Variants in TRPC4 observed in about 807,000 individuals in gnomAD.
TRPC4 encodes transient receptor potential cation channel subfamily C member 4.
TRPC4 carries 49 observed loss-of-function variants against 99.4 expected under a neutral mutation model. That is an observed-to-expected ratio of 0.49 (90% CI 0.39 to 0.63). TRPC4 has a LOEUF of 0.63. Among genes scored for constraint, TRPC4 ranks in the 20% least tolerant of loss-of-function variants. TRPC4 has a pLI of 0.00. For synonymous variants in TRPC4, 454 were observed against 425.9 expected (o/e 1.07, Z -0.81); for missense variants, 898 against 1,152.9 (o/e 0.78, Z 3.20).
intron 2 of TRPC4, among the ~76,000 whole-genome samples, chr13:37,778,809 T>C (rs1026462266): frequency 2.6e-5 from 4 of 152,056 alleles, no homozygotes; most frequent in African/African-American, 9.7e-5. Flanking sequence ...CTTAAGGGAA[T>C]GAGTCAAAAT....
chr13:37,673,512 TA>T (rs1952935883), intron 5 of TRPC4, among the ~76,000 whole-genome samples: 1 of 152,120 alleles, frequency 6.6e-6, no homozygotes, highest in East Asian at 1.9e-4. Context: ...TTGAAACTTT[TA>T]TTTTTTTAAA....
intron 1 of TRPC4, among the ~76,000 whole-genome samples, chr13:37,825,841 T>C (rs1421559948): frequency 3.3e-5 from 5 of 151,488 alleles, no homozygotes; most frequent in African/African-American, 1.2e-4. Flanking sequence ...TGACTTTCTG[T>C]CTCATTGATC....
intron 6 of TRPC4, among the ~76,000 whole-genome samples, chr13:37,661,593 A>G (rs1952438990): frequency 6.6e-6 from 1 of 152,224 alleles, no homozygotes; most frequent in South Asian, 2.1e-4. Flanking sequence ...AGTTTGCACC[A>G]GGTTATGCAG....
chr13:37,814,649 A>C (rs1459307468), intron 1 of TRPC4, among the ~76,000 whole-genome samples: 2 of 151,828 alleles, frequency 1.3e-5, no homozygotes, highest in Non-Finnish European at 3.0e-5. Context: ...TGACTTGTAC[A>C]CAAAAACTGC....
chr13:37,791,687 G>A (rs539716997), intron 1 of TRPC4, among the ~76,000 whole-genome samples: 1 of 152,158 alleles, frequency 6.6e-6, no homozygotes, highest in South Asian at 2.1e-4. Context: ...AATCCTATGA[G>A]GGAAACAAGT....
intron 4 of TRPC4, among the ~76,000 whole-genome samples, chr13:37,687,788 A>G (rs1321757688): frequency 6.6e-6 from 1 of 152,160 alleles, no homozygotes; most frequent in Non-Finnish European, 1.5e-5. Flanking sequence ...AGTCTTTCCA[A>G]TGAAACTTTT....
At chr13:37,865,181 AAATACCAAGGGAC>A (rs1959655750) in intron 1 of TRPC4, among the ~76,000 whole-genome samples, 1 of 151,754 alleles carries the variant, frequency 6.6e-6, no homozygotes, top group Admixed American at 6.6e-5. Flanking sequence ...AGCTCCTCTC[AAATACCAAGGGAC>A]ATTAAAATAA....
At chr13:37,794,204 TG>T (rs1301935426) in intron 1 of TRPC4, among the ~76,000 whole-genome samples, 1 of 98,804 alleles carries the variant, frequency 1.0e-5, no homozygotes, top group Non-Finnish European at 2.2e-5. Flanking sequence ...GGGTAATTGG[TG>T]GTTTTTTTTG....
intron 1 of TRPC4, among the ~76,000 whole-genome samples, chr13:37,822,958 C>T (rs1306824835): frequency 2.0e-5 from 3 of 147,160 alleles, no homozygotes; most frequent in Non-Finnish European, 4.5e-5. Context: ...TTAATGATTG[C>T]CATTCTAACT....
chr13:37,731,517 TAAA>T (rs201656825), intron 3 of TRPC4, among the ~76,000 whole-genome samples: 2 of 151,952 alleles, frequency 1.3e-5, no homozygotes, highest in African/African-American at 4.8e-5. Flanking sequence ...AAAAATACAT[TAAA>T]AAAATTAAAA....
At chr13:37,864,548 G>C (rs1959612318) in intron 1 of TRPC4, among the ~76,000 whole-genome samples, 1 of 151,576 alleles carries the variant, frequency 6.6e-6, no homozygotes, top group African/African-American at 2.4e-5. Flanking sequence ...TATTATGAAA[G>C]TATAAAATAC....
chr13:37,702,713 A>G (rs1325353062), intron 3 of TRPC4, among the ~76,000 whole-genome samples: 2 of 152,096 alleles, frequency 1.3e-5, no homozygotes, highest in Non-Finnish European at 2.9e-5. Context: ...AATATCAATA[A>G]CCTTATGAAA....
chr13:37,758,154 T>C (rs1167367219), intron 2 of TRPC4, among the ~76,000 whole-genome samples: 1 of 151,928 alleles, frequency 6.6e-6, no homozygotes, highest in African/African-American at 2.4e-5. Context: ...TTTAAATGAG[T>C]AATAAACAAA....
At chr13:37,855,667 G>T (rs1221986255) in intron 1 of TRPC4, among the ~76,000 whole-genome samples, 1 of 151,474 alleles carries the variant, frequency 6.6e-6, no homozygotes, top group African/African-American at 2.4e-5. Flanking sequence ...AAAAAATTGA[G>T]GTAATAGCAA....
intron 3 of TRPC4, among the ~76,000 whole-genome samples, chr13:37,731,342 G>T (rs1955233637): frequency 6.6e-6 from 1 of 151,974 alleles, no homozygotes; most frequent in South Asian, 2.1e-4. Flanking sequence ...AAAGACTGAT[G>T]CTGCTTTTAT....
At chr13:37,650,966 T>A (rs1654692553) in intron 8 of TRPC4, among the ~76,000 whole-genome samples, 1 of 152,038 alleles carries the variant, frequency 6.6e-6, no homozygotes, top group South Asian at 2.1e-4. Flanking sequence ...GAAGTCAAGG[T>A]ATTAAGACAG....
At chr13:37,788,356 G>A (rs1391075065) in intron 1 of TRPC4, among the ~76,000 whole-genome samples, 1 of 152,014 alleles carries the variant, frequency 6.6e-6, no homozygotes, top group Non-Finnish European at 1.5e-5. Context: ...CAGATTTTCT[G>A]TATTTTATAA....
At chr13:37,732,900 G>A (rs560937026) in intron 3 of TRPC4, among the ~76,000 whole-genome samples, 4 of 152,060 alleles carry the variant, frequency 2.6e-5, no homozygotes, top group South Asian at 2.1e-4. Flanking sequence ...AAGCAACTAC[G>A]GATTCAACTA....
At chr13:37,838,439 A>G (rs575082292) in intron 1 of TRPC4, among the ~76,000 whole-genome samples, 3 of 152,226 alleles carry the variant, frequency 2.0e-5, no homozygotes, top group Non-Finnish European at 4.4e-5. Flanking sequence ...GACACACTGA[A>G]GTACAAGTCA....
Sources: gnomAD v4.1 joint callset for allele counts (sites outside exome capture counted in the v4.1 genomes callset) on GRCh38, gnomAD v4.1.1 for gene constraint, MANE v1.5 for transcripts, NCBI Gene and HGNC (gene_info 2026-07-23, HGNC 2026-07-21) for gene names.